MLLT10: variants seen among roughly 807,000 people sequenced by gnomAD.
MLLT10 encodes the protein MLLT10 histone lysine methyltransferase DOT1L cofactor.
MLLT10 carries 30 observed loss-of-function variants against 129.1 expected under a neutral mutation model. The ratio of observed to expected loss-of-function variants is 0.23; its 90% CI spans 0.17 to 0.32. MLLT10 has a LOEUF of 0.32. Among genes scored for constraint, MLLT10 ranks in the 10% least tolerant of loss-of-function variants. MLLT10 has a pLI of 1.00. For synonymous variants in MLLT10, 490 were observed against 446.4 expected (o/e 1.10, Z -1.23); for missense variants, 1,119 against 1,268.3 (o/e 0.88, Z 1.79).
chr10:21,670,738 T>G (rs2051308694), intron 10 of MLLT10, 34 bp downstream of exon 10: 5 of 1,580,916 alleles, frequency 3.2e-6, no homozygotes, highest in African/African-American at 2.7e-5. Flanking sequence ...ATACTTGTGT[T>G]TAAGATGGTT....
intron 8 of MLLT10, among the ~76,000 whole-genome samples, chr10:21,640,321 G>T (rs561962815): frequency 1.2e-4 from 16 of 138,612 alleles, no homozygotes; most frequent in South Asian, 4.5e-4. Flanking sequence ...TACATATATT[G>T]GTGTATATAT....
chr10:21,562,580 C>T (rs2038965655), intron 3 of MLLT10, among the ~76,000 whole-genome samples: 1 of 151,590 alleles, frequency 6.6e-6, no homozygotes, highest in South Asian at 2.1e-4. Flanking sequence ...TCAAGTGACC[C>T]ACCTGCCTCA....
intron 9 of MLLT10, among the ~76,000 whole-genome samples, chr10:21,666,958 T>C (rs2050868243): frequency 6.6e-6 from 1 of 152,200 alleles, no homozygotes; most frequent in South Asian, 2.1e-4. Flanking sequence ...ATATTCACAT[T>C]TCATTTATTA....
At chr10:21,717,284 C>T (rs555358416) in intron 14 of MLLT10, among the ~76,000 whole-genome samples, 18 of 137,262 alleles carry the variant, frequency 1.3e-4, no homozygotes, top group African/African-American at 4.5e-4. Context: ...AAAATTGTTC[C>T]CTGGAAAGTG....
chr10:21,534,216 C>T (rs1219776779), upstream of MLLT10: 1 of 395,886 alleles, frequency 2.5e-6, no homozygotes, highest in African/African-American at 2.1e-5. Context: ...TCCCTCACGC[C>T]GGCCGCAGGA....
At chr10:21,546,232 G>A (rs1010591213) in intron 3 of MLLT10, among the ~76,000 whole-genome samples, 2 of 150,574 alleles carry the variant, frequency 1.3e-5, no homozygotes, top group Admixed American at 1.3e-4. Context: ...CATGTGCCAC[G>A]ATGCTTGGCT....
intron 11 of MLLT10, among the ~76,000 whole-genome samples, chr10:21,675,740 CT>C (rs1002563988): frequency 3.3e-5 from 5 of 152,232 alleles, no homozygotes; most frequent in Admixed American, 1.3e-4. Context: ...CCTAGATTTG[CT>C]TTTGTGGGGA....
chr10:21,609,080 A>G (rs2044342617), intron 5 of MLLT10, among the ~76,000 whole-genome samples: 2 of 152,274 alleles, frequency 1.3e-5, no homozygotes, highest in South Asian at 2.1e-4. Flanking sequence ...CCAATAGTAT[A>G]CAACCTCAGA....
At chr10:21,539,473 C>G (rs2034694101) in intron 3 of MLLT10, among the ~76,000 whole-genome samples, 1 of 141,974 alleles carries the variant, frequency 7.0e-6, no homozygotes, top group Non-Finnish European at 1.5e-5. Context: ...TTCTAAACCT[C>G]TTATAAGAAT....
At chr10:21,614,172 T>C (rs2131201256) in intron 6 of MLLT10, among the ~76,000 whole-genome samples, 1 of 147,746 alleles carries the variant, frequency 6.8e-6, no homozygotes, top group East Asian at 2.0e-4. Flanking sequence ...GAGCTTTCAT[T>C]GCACCACTGC....
At chr10:21,621,602 C>T (rs973587566) in intron 8 of MLLT10, among the ~76,000 whole-genome samples, 2 of 151,820 alleles carry the variant, frequency 1.3e-5, no homozygotes, top group East Asian at 1.9e-4. Context: ...TTGAACCGAC[C>T]TCCGCCCCCC....
At chr10:21,729,801 TTA>T (rs2057805269) in intron 16 of MLLT10, among the ~76,000 whole-genome samples, 1 of 152,200 alleles carries the variant, frequency 6.6e-6, no homozygotes, top group South Asian at 2.1e-4. Flanking sequence ...TTTAAATGTA[TTA>T]TGTTAGAATG....
intron 9 of MLLT10, among the ~76,000 whole-genome samples, chr10:21,652,810 T>C (rs2049175291): frequency 6.6e-6 from 1 of 152,190 alleles, no homozygotes; most frequent in Admixed American, 6.5e-5. Context: ...AGGGAGGCCA[T>C]TAGCAAGGTA....
At chr10:21,536,166 C>G (rs1006684019) in intron 2 of MLLT10, among the ~76,000 whole-genome samples, 1 of 152,190 alleles carries the variant, frequency 6.6e-6, no homozygotes, top group African/African-American at 2.4e-5. Flanking sequence ...GTCTCAAATT[C>G]CTGACCTCAG....
intron 3 of MLLT10, among the ~76,000 whole-genome samples, chr10:21,550,091 G>C (rs1215152013): frequency 6.6e-6 from 1 of 152,166 alleles, no homozygotes; most frequent in South Asian, 2.1e-4. Flanking sequence ...CTGTTAGTAG[G>C]GAAGAAGGAG....
chr10:21,592,323 C>T (rs2042581830), intron 4 of MLLT10, among the ~76,000 whole-genome samples: 1 of 151,638 alleles, frequency 6.6e-6, no homozygotes, highest in African/African-American at 2.4e-5. Flanking sequence ...TTTGGTGTTC[C>T]CTTTAATGGA....
chr10:21,716,999 G>A (rs1297357201), intron 14 of MLLT10, among the ~76,000 whole-genome samples: 2 of 151,946 alleles, frequency 1.3e-5, no homozygotes, highest in African/African-American at 4.8e-5. Context: ...GCTCACACCT[G>A]TAATCCCAGC....
intron 3 of MLLT10, among the ~76,000 whole-genome samples, chr10:21,569,200 G>A (rs2039929477): frequency 6.6e-6 from 1 of 152,070 alleles, no homozygotes; most frequent in Non-Finnish European, 1.5e-5. Flanking sequence ...TTGGTTAATG[G>A]TGTTATTCAA....
At chr10:21,576,231 C>G (rs1212730974) in intron 3 of MLLT10, among the ~76,000 whole-genome samples, 6 of 146,618 alleles carry the variant, frequency 4.1e-5, no homozygotes, top group Admixed American at 1.4e-4. Flanking sequence ...CACACCCAGC[C>G]TATCCATTTA....
Sources: allele counts gnomAD v4.1 joint callset (sites outside exome capture counted in the v4.1 genomes callset), GRCh38; gene constraint gnomAD v4.1.1; transcripts MANE v1.5; gene names NCBI Gene and HGNC (gene_info 2026-07-23, HGNC 2026-07-21).